CYTH1: variants seen among roughly 807,000 people sequenced by gnomAD.
The protein encoded by CYTH1 is cytohesin-1.
Under a neutral mutation model 61.8 loss-of-function variants are expected in CYTH1, and 18 were observed. That is an observed-to-expected ratio of 0.29 (90% CI 0.20 to 0.43). CYTH1 has a LOEUF of 0.43. Among genes scored for constraint, CYTH1 ranks in the 20% least tolerant of loss-of-function variants. The probability of loss-of-function intolerance (pLI) is 1.00; values close to 1 mark genes in which losing one functional copy is unlikely to be tolerated. For missense variants in CYTH1, 336 were observed against 510.5 expected, an observed-to-expected ratio of 0.66 and a Z score of 3.29; for synonymous variants, 174 against 184.3, an observed-to-expected ratio of 0.94 and a Z score of 0.45.
At chr17:78,684,527 T>C (rs927109194) in intron 11 of CYTH1, among the ~76,000 whole-genome samples, 6 of 152,228 alleles carry the variant, frequency 3.9e-5, no homozygotes, top group African/African-American at 1.4e-4. Flanking sequence ...GCTTTTTAAA[T>C]TTGTCTTTAA....
At chr17:78,720,453 G>C (rs944315646) in intron 1 of CYTH1, among the ~76,000 whole-genome samples, 8 of 152,174 alleles carry the variant, frequency 5.3e-5, no homozygotes, top group Admixed American at 2.6e-4. Flanking sequence ...CCAATAGATA[G>C]GACTACAGGT....
rs373268325 is a variant in CYTH1, at chr17:78,680,354, A to G, written c.964-10T>C. The G allele has an allele frequency of 4.2e-4, 670 of 1,608,622 alleles. 1 individual carries two copies. Among genetic ancestry groups the G allele is most frequent in the South Asian group, 7.5e-4 (68 of 90,522 alleles). On this transcript the variant is annotated splice_polypyrimidine_tract_variant and intron_variant, in intron 12 of 13. Transcript: ENST00000446868. ...AAAGCTCAAAGCAGTTCTGAGAATC[A>G]AAACAGAGAGGGAGAGAGTGGAGCA...
intron 11 of CYTH1, among the ~76,000 whole-genome samples, chr17:78,683,693 G>A (rs1286715704): frequency 1.3e-5 from 2 of 152,214 alleles, no homozygotes; most frequent in Non-Finnish European, 2.9e-5. Context: ...TGCTTGGTCA[G>A]TCTCTCCTGT....
chr17:78,695,434 C>A (rs1426145700), intron 10 of CYTH1, among the ~76,000 whole-genome samples: 1 of 152,146 alleles, frequency 6.6e-6, no homozygotes, highest in Non-Finnish European at 1.5e-5. Context: ...ACCATTTCCC[C>A]TTTTCGTGCA....
chr17:78,720,759 C>T (rs1172714613), intron 1 of CYTH1, among the ~76,000 whole-genome samples: 1 of 152,198 alleles, frequency 6.6e-6, no homozygotes, highest in African/African-American at 2.4e-5. Context: ...CTTGTAGTCC[C>T]AGCTACTTAG....
intron 13 of CYTH1, chr17:78,676,946 TG>T: frequency 4.4e-6 from 2 of 452,746 alleles, no homozygotes; most frequent in South Asian, 3.1e-5. Context: ...AGTGATGATT[TG>T]TTCCAGAGCT....
Position 78,700,522 on chromosome 17 carries a change from T to G in CYTH1, c.438-79A>C. 1 of 1,129,422 alleles carries G rather than the reference T, an allele frequency of 8.9e-7. No homozygotes were observed. The highest frequency in any genetic ancestry group is 1.6e-5 in the South Asian group (1 of 63,592). 70.0% of individuals were successfully genotyped at this position (1,129,422 alleles called of 1,614,324 possible). On this transcript the variant is annotated intron_variant, in intron 6 of 13. Transcript: ENST00000446868. The surrounding 1 kb of genome is among the most constrained non-coding windows in gnomAD (Gnocchi z 5.1). ...TATGAATTGTTAAACTGCCAATGAT[T>G]TTTTTTTTCTTTTTTTTTTTGAGAT...
chr17:78,746,492 C>A (rs1042173111), intron 1 of CYTH1, among the ~76,000 whole-genome samples: 1 of 151,980 alleles, frequency 6.6e-6, no homozygotes, highest in Non-Finnish European at 1.5e-5. Flanking sequence ...GTGCGGCGAC[C>A]GAGTTTCCTA....
At chr17:78,678,431 A>C (rs1393478480) in intron 13 of CYTH1, 1 of 152,170 alleles carries the variant, frequency 6.6e-6, no homozygotes, top group Non-Finnish European at 1.5e-5. Context: ...CTCTAAGGAG[A>C]GCATATGAAG....
chr17:78,687,301 A>G (rs2092826642), intron 11 of CYTH1, among the ~76,000 whole-genome samples: 1 of 152,042 alleles, frequency 6.6e-6, no homozygotes, highest in Non-Finnish European at 1.5e-5. Context: ...CTGTCACTGC[A>G]GAAAACACTG....
At chr17:78,735,189 T>C (rs143157889) in intron 1 of CYTH1, among the ~76,000 whole-genome samples, 11 of 152,286 alleles carry the variant, frequency 7.2e-5, no homozygotes, top group Admixed American at 5.2e-4. Flanking sequence ...TCCCGGCCCC[T>C]AACCTCATGC....
At chr17:78,761,863 G>A (rs1202243171) in intron 1 of CYTH1, among the ~76,000 whole-genome samples, 1 of 152,192 alleles carries the variant, frequency 6.6e-6, no homozygotes, top group Non-Finnish European at 1.5e-5. Flanking sequence ...AGCAGGAAAG[G>A]GAAAGAACAG....
intron 12 of CYTH1, 79 bp downstream of exon 12, chr17:78,680,892 G>T: frequency 1.4e-6 from 2 of 1,393,616 alleles, no homozygotes; most frequent in Non-Finnish European, 2.0e-6. Context: ...TCAGTTTTTT[G>T]GTTTTGAGTT....
chr17:78,721,529 T>C (rs1049920281), intron 1 of CYTH1, among the ~76,000 whole-genome samples: 5 of 152,220 alleles, frequency 3.3e-5, no homozygotes, highest in African/African-American at 1.2e-4. Context: ...GTAAATCTAT[T>C]AAAGGCTTTT....
At chr17:78,735,280 A>G (rs2093315453) in intron 1 of CYTH1, among the ~76,000 whole-genome samples, 1 of 152,146 alleles carries the variant, frequency 6.6e-6, no homozygotes, top group African/African-American at 2.4e-5. Context: ...TGACTATTAC[A>G]CAGCACCTCC....
intron 1 of CYTH1, among the ~76,000 whole-genome samples, chr17:78,716,325 T>C (rs2093180317): frequency 6.6e-6 from 1 of 152,150 alleles, no homozygotes; most frequent in African/African-American, 2.4e-5. Context: ...AAAATACATA[T>C]ATATATGTAC....
rs896834742 is a variant in CYTH1, at chr17:78,675,942, A to C, written c.*149T>G. 2 of 1,547,392 alleles carry C rather than the reference A, an allele frequency of 1.3e-6. No individual in the cohort carries two copies. The highest frequency in any genetic ancestry group is 2.7e-5 in the African/African-American group (2 of 72,894). ...AACTGCCCACCCTTCTCCCACTTAA[A>C]AAAAATAGCAAAAGCTGAAGCTAGT... On this transcript the variant is annotated 3_prime_UTR_variant, in exon 14 of 14. Transcript: ENST00000446868.
Position 78,739,967 on chromosome 17 carries a change from G to A in CYTH1, c.23-30235C>T, listed in dbSNP as rs575158598. On this transcript the variant is annotated intron_variant, in intron 1 of 13. Coordinates refer to ENST00000446868, the MANE Select transcript of CYTH1 (RefSeq NM_004762.6). ...TTTTTTTTTTCTGAGACTGAGTCTC[G>A]CTCTGTTGCCCAGGCTGAAGCGCAG... 2.2e-4 allele frequency among the ~76,000 whole-genome samples: 33 copies of A among 151,860 alleles called. No homozygotes were observed. In the East Asian group the frequency reaches 5.8e-3, roughly 27 times the overall value.
chr17:78,761,762 T>C (rs996883588), intron 1 of CYTH1, among the ~76,000 whole-genome samples: 2 of 152,190 alleles, frequency 1.3e-5, no homozygotes, highest in African/African-American at 4.8e-5. Flanking sequence ...AAGAGTGTTA[T>C]TTTTAAAAAC....
Sources: allele counts gnomAD v4.1 joint callset (sites outside exome capture counted in the v4.1 genomes callset), GRCh38; gene constraint gnomAD v4.1.1; non-coding constraint Gnocchi (gnomAD v3.1); transcripts MANE v1.5; gene names NCBI Gene and HGNC (gene_info 2026-07-23, HGNC 2026-07-21).